The following NR3C2 variants were observed in gnomAD, a reference collection of about 807,000 sequenced individuals.
The protein encoded by NR3C2 is mineralocorticoid receptor.
A neutral mutation model predicts 86.4 loss-of-function variants in NR3C2; 15 were observed. The observed-to-expected ratio is 0.17, with a 90% CI of 0.12 to 0.27. The LOEUF is 0.27. Ranked by LOEUF, NR3C2 falls within the 10% of genes least tolerant of loss-of-function variation. The pLI, the probability that NR3C2 is intolerant of heterozygous loss-of-function variation, is 1.00. For synonymous variants in NR3C2, 458 were observed against 450.5 expected, an observed-to-expected ratio of 1.02 and a Z score of -0.21; for missense variants, 960 against 1,195.6, an observed-to-expected ratio of 0.80 and a Z score of 2.91.
In NR3C2 at chr4:148,150,368, A is replaced by G. The variant is rs1578942619; in HGVS notation, c.2510+2101T>C. Among the ~76,000 whole-genome samples, 3 of 152,286 alleles carry G rather than the reference A, an allele frequency of 2.0e-5. No homozygotes were observed. The East Asian group carries it at 5.8e-4, about 29-fold the overall frequency. On this transcript the variant is annotated intron_variant, in intron 6 of 8. Coordinates refer to ENST00000358102, the MANE Select transcript of NR3C2 (RefSeq NM_000901.5). The stretch of plus-strand genomic sequence containing the variant: ...ACTTAACATATATTCCTAGTTTGTT[A>G]ACATTGAACTATAGCCAGCAGAACC...
chr4:148,092,850 C>T (rs547425062), intron 8 of NR3C2, among the ~76,000 whole-genome samples: 15 of 152,224 alleles, frequency 9.9e-5, no homozygotes, highest in Middle Eastern at 3.4e-3. Flanking sequence ...GTGGTCATAG[C>T]GACGAAGCCA....
chr4:148,236,680 T>C (rs1236809274), intron 3 of NR3C2, among the ~76,000 whole-genome samples: 1 of 152,212 alleles, frequency 6.6e-6, no homozygotes, highest in Non-Finnish European at 1.5e-5. Flanking sequence ...AGCTGGACAC[T>C]CATGGTCATC....
At chr4:148,139,598 A>T (rs1733515392) in intron 6 of NR3C2, among the ~76,000 whole-genome samples, 1 of 152,168 alleles carries the variant, frequency 6.6e-6, no homozygotes, top group Admixed American at 6.5e-5. Context: ...AGGGGCACAG[A>T]TGATGTCTGT....
intron 2 of NR3C2, among the ~76,000 whole-genome samples, chr4:148,278,574 C>T (rs1052547141): frequency 4.6e-5 from 7 of 151,990 alleles, no homozygotes; most frequent in African/African-American, 9.7e-5. Context: ...CGTGCGTGCG[C>T]GCGCACACAC....
At chr4:148,091,570 C>T (rs1731063204) in intron 8 of NR3C2, among the ~76,000 whole-genome samples, 1 of 152,186 alleles carries the variant, frequency 6.6e-6, no homozygotes, top group African/African-American at 2.4e-5. Context: ...TACTGACCAG[C>T]CAGAATAGAT....
At chr4:148,347,068 A>C (rs543626141) in intron 2 of NR3C2, among the ~76,000 whole-genome samples, 1 of 152,306 alleles carries the variant, frequency 6.6e-6, no homozygotes, top group East Asian at 1.9e-4. Flanking sequence ...TAAGGGTCAA[A>C]TTCTGCTGTG....
intron 3 of NR3C2, among the ~76,000 whole-genome samples, chr4:148,230,164 C>A (rs778187368): frequency 8.5e-5 from 13 of 152,074 alleles, no homozygotes; most frequent in Non-Finnish European, 1.8e-4. Flanking sequence ...CAGGGGAGAA[C>A]AGAGAGATAA....
intron 6 of NR3C2, among the ~76,000 whole-genome samples, chr4:148,139,258 A>G (rs1241231045): frequency 6.6e-6 from 1 of 152,218 alleles, no homozygotes; most frequent in Non-Finnish European, 1.5e-5. Context: ...AAAAACTCTG[A>G]GCATTGGATA....
rs962002234 is a variant in NR3C2 at position 148,335,850 on chromosome 4, G to T, written c.1758-75733C>A. ...ATGTTTATACACAAAAATTTTCACTGTAGTGTTATTTACAACACAGAAAAC... is the reference window on the plus strand; with the variant it reads ...ATGTTTATACACAAAAATTTTCACTTTAGTGTTATTTACAACACAGAAAAC... On this transcript the variant is annotated intron_variant, in intron 2 of 8. Transcript: ENST00000358102. Among the ~76,000 whole-genome samples, 9 of 152,150 alleles carry T rather than the reference G, an allele frequency of 5.9e-5. No individual in the cohort carries two copies. In the East Asian group the frequency reaches 1.4e-3, roughly 23 times the overall value.
intron 3 of NR3C2, among the ~76,000 whole-genome samples, chr4:148,197,197 T>G (rs1736481983): frequency 6.6e-6 from 1 of 152,202 alleles, no homozygotes; most frequent in African/African-American, 2.4e-5. Flanking sequence ...GAAGATGCTC[T>G]TTGGAAATGA....
chr4:148,137,169 C>T (rs1578925877), intron 6 of NR3C2, among the ~76,000 whole-genome samples: 1 of 152,120 alleles, frequency 6.6e-6, no homozygotes, highest in Non-Finnish European at 1.5e-5. Context: ...GGTATGGTAG[C>T]ACTATATAAT....
chr4:148,325,920 T>C (rs1456862756), intron 2 of NR3C2, among the ~76,000 whole-genome samples: 1 of 152,240 alleles, frequency 6.6e-6, no homozygotes, highest in Non-Finnish European at 1.5e-5. Context: ...TATCAGATTC[T>C]GTAAGTTTTT....
intron 3 of NR3C2, among the ~76,000 whole-genome samples, chr4:148,234,353 A>G (rs1361928031): frequency 1.3e-5 from 2 of 152,124 alleles, no homozygotes; most frequent in East Asian, 3.8e-4. Flanking sequence ...ATGGGTCTCC[A>G]GTACTTATAT....
intron 8 of NR3C2, among the ~76,000 whole-genome samples, chr4:148,101,188 A>T (rs1731519836): frequency 6.6e-6 from 1 of 152,232 alleles, no homozygotes; most frequent in Non-Finnish European, 1.5e-5. Context: ...AAAATAATAA[A>T]AAAGCATAAA....
At chr4:148,362,332 C>T (rs1745879367) in intron 2 of NR3C2, among the ~76,000 whole-genome samples, 1 of 152,072 alleles carries the variant, frequency 6.6e-6, no homozygotes, top group African/African-American at 2.4e-5. Flanking sequence ...ATGCTCCCAA[C>T]ACAAAAAATG....
chr4:148,093,599 A>G (rs1265905676), intron 8 of NR3C2, among the ~76,000 whole-genome samples: 1 of 152,198 alleles, frequency 6.6e-6, no homozygotes, highest in Admixed American at 6.5e-5. Context: ...TTAGTCAGCG[A>G]TATGTTGGGG....
chr4:148,319,215 T>C (rs1168366787), intron 2 of NR3C2, among the ~76,000 whole-genome samples: 1 of 152,156 alleles, frequency 6.6e-6, no homozygotes, highest in Non-Finnish European at 1.5e-5. Flanking sequence ...CTGAGGGCTC[T>C]GTTCTGTTCC....
intron 8 of NR3C2, among the ~76,000 whole-genome samples, chr4:148,094,727 C>CCA (rs1560918025): frequency 1.0e-4 from 12 of 118,816 alleles, no homozygotes; most frequent in African/African-American, 3.5e-4. Flanking sequence ...AAAAAAAAAA[C>CCA]AAAAAAAACA....
At chr4:148,373,915 G>C (rs1363929735) in intron 2 of NR3C2, among the ~76,000 whole-genome samples, 1 of 152,154 alleles carries the variant, frequency 6.6e-6, no homozygotes, top group Non-Finnish European at 1.5e-5. Flanking sequence ...TTCAGAATCA[G>C]AACATTTTGG....
Sources: gnomAD v4.1 joint callset for allele counts (sites outside exome capture counted in the v4.1 genomes callset) on GRCh38, gnomAD v4.1.1 for gene constraint, MANE v1.5 for transcripts, NCBI Gene and HGNC (gene_info 2026-07-23, HGNC 2026-07-21) for gene names.